The following LARP1 variants were observed in gnomAD, a reference collection of about 807,000 sequenced individuals.
LARP1 encodes la-related protein 1.
LARP1 carries 36 observed loss-of-function variants against 122.7 expected under a neutral mutation model. The ratio of observed to expected loss-of-function variants is 0.29; its 90% CI spans 0.22 to 0.39. The LOEUF is 0.39. Ranked by LOEUF, LARP1 falls within the 10% of genes least tolerant of loss-of-function variation. The pLI, the probability that LARP1 is intolerant of heterozygous loss-of-function variation, is 1.00. For synonymous variants in LARP1, 539 were observed against 528.7 expected (o/e 1.02, Z -0.27); for missense variants, 1,040 against 1,403.6 (o/e 0.74, Z 4.14).
chr5:154,808,644 G>T, intron 16 of LARP1, 41 bp downstream of exon 16: 1 of 1,578,396 alleles, frequency 6.3e-7, no homozygotes, highest in Non-Finnish European at 8.6e-7. Context: ...GGTGCTTAGG[G>T]ATGATGTGGG....
intron 1 of LARP1, among the ~76,000 whole-genome samples, chr5:154,763,054 C>CTTTTTTT (rs147728579): frequency 6.2e-5 from 8 of 129,904 alleles, no homozygotes; most frequent in Admixed American, 1.6e-4. Context: ...TGAGCAGATG[C>CTTTTTTT]TTTTTTTTTT....
At chr5:154,694,380 C>T (rs1304512890) in intron 1 of LARP1, among the ~76,000 whole-genome samples, 1 of 152,018 alleles carries the variant, frequency 6.6e-6, no homozygotes, top group Non-Finnish European at 1.5e-5. Context: ...CTTCAGCCTC[C>T]CCACAGCTGG....
chr5:154,726,632 A>G (rs1233074), intron 1 of LARP1, among the ~76,000 whole-genome samples: 1 of 152,248 alleles, frequency 6.6e-6, no homozygotes, highest in Non-Finnish European at 1.5e-5. Context: ...TAAGAACTCA[A>G]TAGATGGATA....
At chr5:154,798,662 CT>C (rs1340851359) in intron 8 of LARP1, among the ~76,000 whole-genome samples, 25 of 152,104 alleles carry the variant, frequency 1.6e-4, no homozygotes, top group Admixed American at 1.4e-3. Flanking sequence ...CCAGCGCCAC[CT>C]TTTTACGATT....
rs978663462 is a variant in LARP1, at chr5:154,765,049, C to A, written c.436+8856C>A. 1.3e-5 allele frequency among the ~76,000 whole-genome samples: 2 copies of A among 152,294 alleles called. 1 individual carries two copies. Among genetic ancestry groups the A allele is most frequent in the South Asian group, 4.1e-4 (2 of 4,826 alleles). On this transcript the variant is annotated intron_variant, in intron 1 of 18. Coordinates refer to ENST00000518297, the MANE Select transcript of LARP1 (RefSeq NM_033551.3). ...GCCTCTTAACTGGTCTCCTATCACT[C>A]CTACTTAAAGCCCTCTGGTAACTTC...
intron 18 of LARP1, 82 bp downstream of exon 18, chr5:154,811,722 GCTGTGCCC>G: frequency 6.4e-7 from 1 of 1,556,322 alleles, no homozygotes; most frequent in Admixed American, 1.7e-5. Context: ...TTCTGGTCCA[GCTGTGCCC>G]CTAGCCCAGG....
chr5:154,804,168 A>G, intron 13 of LARP1, 33 bp from the exon 14 acceptor site: 2 of 1,536,474 alleles, frequency 1.3e-6, no homozygotes, highest in Non-Finnish European at 1.8e-6. Flanking sequence ...GTAGGAGTAC[A>G]AACAGTAACA....
At chr5:154,790,289 C>T in intron 1 of LARP1, 36 bp from the exon 2 acceptor site, 1 of 1,591,064 alleles carries the variant, frequency 6.3e-7, no homozygotes, top group Non-Finnish European at 8.6e-7. Context: ...CTCACATGGG[C>T]TTTGCATTAC....
At chr5:154,741,210 T>C (rs769624238) in intron 1 of LARP1, among the ~76,000 whole-genome samples, 1 of 152,216 alleles carries the variant, frequency 6.6e-6, no homozygotes, top group Non-Finnish European at 1.5e-5. Context: ...ATGTTAATCA[T>C]AGAGCTGCAG....
chr5:154,683,582 T>A (rs913008497), intron 1 of LARP1, among the ~76,000 whole-genome samples: 2 of 152,210 alleles, frequency 1.3e-5, no homozygotes, highest in African/African-American at 2.4e-5. Flanking sequence ...CTGTTTCACC[T>A]AGGCCACTGA....
At chr5:154,746,673 C>T (rs957915755) in intron 1 of LARP1, among the ~76,000 whole-genome samples, 6 of 152,174 alleles carry the variant, frequency 3.9e-5, no homozygotes. Flanking sequence ...TCCATGAAAG[C>T]CCTTTGGAAA....
In LARP1 at chr5:154,795,176, G is replaced by C; in HGVS notation, c.1234G>C (p.Glu412Gln). Residue 412 changes from glutamate to glutamine, a missense_variant and splice_region_variant, in exon 8 of 19, where the codon GAA becomes CAA. By Grantham distance (29) the Glu-to-Gln change is conservative. Coordinates refer to ENST00000518297, the MANE Select transcript of LARP1 (RefSeq NM_033551.3). The stretch of plus-strand genomic sequence containing the variant: ...TAACTACTTCTTCCCTCCACTTAGT[G>C]AATACTACTTCAGCGTGGACAATTT... ...LLKDYIKRQI[E>Q]YYFSVDNLER... is the part of the protein sequence containing the mutation. 1 of 1,613,786 alleles carries C rather than the reference G, an allele frequency of 6.2e-7. No individual in the cohort carries two copies. Among genetic ancestry groups the C allele is most frequent in the Non-Finnish European group, 8.5e-7 (1 of 1,179,704 alleles).
intron 1 of LARP1, among the ~76,000 whole-genome samples, chr5:154,745,905 C>T (rs1753169034): frequency 6.6e-6 from 1 of 151,750 alleles, no homozygotes; most frequent in South Asian, 2.1e-4. Context: ...AAGCGATTCT[C>T]TTGCCTTAGC....
Position 154,755,913 on chromosome 5 carries a change from C to T in LARP1, c.156C>T (p.Ser52=). The T allele has an allele frequency of 9.9e-7, 1 of 1,005,076 alleles. No individual in the cohort carries two copies. The allele number at this position is 1,005,076 out of a possible 1,614,324, so 62.3% of individuals were successfully genotyped here. ...NDVRGGEPDG[S]ARRPRPPCAK... is the part of the protein sequence containing the mutation. Reference sequence around the variant, plus strand: ...TCCGCGGGGGGGAGCCGGACGGCAGCGCTCGGAGACCCCGGCCGCCCTGCG... The same window carrying T: ...TCCGCGGGGGGGAGCCGGACGGCAGTGCTCGGAGACCCCGGCCGCCCTGCG... The change falls in exon 1 of 19, where the codon AGC becomes AGT. Residue 52 remains serine, a synonymous_variant. Coordinates refer to ENST00000518297, the MANE Select transcript of LARP1 (RefSeq NM_033551.3).
chr5:154,778,755 T>C (rs933569082), intron 1 of LARP1, among the ~76,000 whole-genome samples: 30 of 152,244 alleles, frequency 2.0e-4, no homozygotes, highest in African/African-American at 7.2e-4. Context: ...TCTTGACTTC[T>C]AGCCCAGGGC....
chr5:154,715,571 G>T (rs1231197704), intron 1 of LARP1, among the ~76,000 whole-genome samples: 8 of 152,120 alleles, frequency 5.3e-5, no homozygotes, highest in Non-Finnish European at 1.5e-5. Context: ...ACACTGAAAC[G>T]TTGCTGCTGA....
chr5:154,696,575 T>C (rs1754479637), intron 1 of LARP1, among the ~76,000 whole-genome samples: 1 of 152,198 alleles, frequency 6.6e-6, no homozygotes, highest in African/African-American at 2.4e-5. Flanking sequence ...AGTGATCCTA[T>C]AAGGTAAAGA....
At chr5:154,781,597 A>T (rs903657192) in intron 1 of LARP1, among the ~76,000 whole-genome samples, 2 of 152,156 alleles carry the variant, frequency 1.3e-5, no homozygotes, top group Admixed American at 1.3e-4. Flanking sequence ...CCGTCTCAAA[A>T]AAAAGGAAAA....
chr5:154,715,608 T>C (rs192964308), intron 1 of LARP1, among the ~76,000 whole-genome samples: 2 of 152,286 alleles, frequency 1.3e-5, no homozygotes, highest in Admixed American at 6.5e-5. Context: ...CTAAACGTTT[T>C]CCTTGGTAAC....
Sources: gnomAD v4.1 joint callset for allele counts (sites outside exome capture counted in the v4.1 genomes callset) on GRCh38, gnomAD v4.1.1 for gene constraint, MANE v1.5 for transcripts, NCBI Gene and HGNC (gene_info 2026-07-23, HGNC 2026-07-21) for gene names.